Variants in SLC24A1 observed in about 807,000 individuals in gnomAD.
SLC24A1 encodes solute carrier family 24 member 1.
Under a neutral mutation model 88.1 loss-of-function variants are expected in SLC24A1, and 52 were observed. That is an observed-to-expected ratio of 0.59 (90% CI 0.47 to 0.74). The LOEUF (loss-of-function observed/expected upper bound fraction) is 0.74, where lower values mean the gene tolerates loss of function less well. Ranked by LOEUF, SLC24A1 falls within the 30% of genes least tolerant of loss-of-function variation. SLC24A1 has a pLI of 0.00. For synonymous variants in SLC24A1, 455 were observed against 498.0 expected (o/e 0.91, Z 1.15); for missense variants, 1,173 against 1,363.3 (o/e 0.86, Z 2.20).
intron 4 of SLC24A1, among the ~76,000 whole-genome samples, chr15:65,641,701 G>T (rs1018945679): frequency 2.0e-5 from 3 of 152,198 alleles, no homozygotes; most frequent in African/African-American, 7.2e-5. Flanking sequence ...GCTCTGGCCA[G>T]GGCCCCATGA....
intron 2 of SLC24A1, among the ~76,000 whole-genome samples, chr15:65,613,949 T>G (rs769761996): frequency 8.5e-5 from 13 of 152,180 alleles, no homozygotes; most frequent in Non-Finnish European, 1.9e-4. Context: ...TTTCTGCCCC[T>G]GTAGTCTGGA....
In SLC24A1 at chr15:65,650,412, G is replaced by A; in HGVS notation, c.2263G>A (p.Glu755Lys). ...TGTGGCTGAGGCCGAGAGCACAGGTGAAATGCCAGGCGAAGAGGGCGAAAC... is the reference window on the plus strand; with the variant it reads ...TGTGGCTGAGGCCGAGAGCACAGGTAAAATGCCAGGCGAAGAGGGCGAAAC... ...EDVAEAESTG[E>K]MPGEEGETAG... The change falls in exon 7 of 10, where the codon GAA (glutamate) becomes AAA (lysine). Residue 755 changes from glutamate (E) to lysine (K), a missense_variant. Transcript: ENST00000261892. This position sits in a 1 kb window ranked among gnomAD's most constrained non-coding sequence, Gnocchi z 4.1. 2.6e-6 allele frequency: 4 copies of A among 1,551,668 alleles called. No individual in the cohort carries two copies. The highest frequency in any genetic ancestry group is 3.5e-6 in the Non-Finnish European group (4 of 1,146,968).
At chr15:65,656,660 G>A (rs1464570798), downstream of SLC24A1, among the ~76,000 whole-genome samples, 1 of 152,162 alleles carries the variant, frequency 6.6e-6, no homozygotes, top group African/African-American at 2.4e-5. Context: ...TGGAAAGTCT[G>A]AACTGTCCCA....
intron 6 of SLC24A1, among the ~76,000 whole-genome samples, chr15:65,647,285 C>A (rs945840970): frequency 3.8e-4 from 57 of 151,872 alleles, no homozygotes; most frequent in Non-Finnish European, 7.5e-4. Context: ...TGAGACCAGC[C>A]TGGCCAACAT....
In SLC24A1 at chr15:65,644,132, G is replaced by A. The variant is rs8040471; in HGVS notation, c.2054-295G>A. ...GAAATAAATCCTATTTCTTGGTCCTGAGTCCAACCATGTCATTTTACCAGA... is the reference window on the plus strand; with the variant it reads ...GAAATAAATCCTATTTCTTGGTCCTAAGTCCAACCATGTCATTTTACCAGA... On this transcript the variant is annotated intron_variant, in intron 4 of 9. Coordinates refer to ENST00000261892, the MANE Select transcript of SLC24A1 (RefSeq NM_004727.3). The A allele has an allele frequency of 3.4e-3, 1,293 of 378,990 alleles. 14 individuals are homozygous for A. The highest frequency in any genetic ancestry group is 0.024 in the African/African-American group (1,192 of 48,968). The allele number at this position is 378,990 out of a possible 1,614,324, so 23.5% of individuals were successfully genotyped here. A position where few individuals can be genotyped will look rare whatever the true frequency, so the allele number is the denominator to read the frequency against.
Position 65,625,828 on chromosome 15 carries a change from G to A in SLC24A1, c.1748G>A (p.Trp583Ter). The A allele has an allele frequency of 6.2e-7, 1 of 1,614,016 alleles. No individual in the cohort carries two copies. ...TTCTTCCTGGACAGCCTCATTGCCTGGTGGGAGAGCCTGCTGCTGCTGCTG... is the reference window on the plus strand; with the variant it reads ...TTCTTCCTGGACAGCCTCATTGCCTAGTGGGAGAGCCTGCTGCTGCTGCTG... ...ILFFLDSLIAWWESLLLLLAY... is the reference protein window; with the variant it reads ...ILFFLDSLIA Residue 583 changes from tryptophan to a stop codon, truncating the protein, a stop_gained, in exon 2 of 10, where the codon TGG (tryptophan) becomes TAG (stop). Transcript: ENST00000261892. LOFTEE classifies it high-confidence loss of function.
rs891801712 is a variant in SLC24A1 at position 65,624,153 on chromosome 15, C to T, written c.73C>T (p.Leu25Phe). 1.1e-5 allele frequency: 17 copies of T among 1,613,790 alleles called. No homozygotes were observed. The highest frequency in any genetic ancestry group is 1.4e-5 in the Non-Finnish European group (16 of 1,179,822). ...LRTKRLHWSRLLFLLGMLIIG... is the reference protein window; with the variant it reads ...LRTKRLHWSRFLFLLGMLIIG... The stretch of plus-strand genomic sequence containing the variant: ...GACAAAGCGGCTTCATTGGAGTCGC[C>T]TCCTCTTCTTACTGGGAATGTTGAT... Residue 25 changes from leucine to phenylalanine, a missense_variant, in exon 2 of 10, where the codon CTC (leucine) becomes TTC (phenylalanine). Leu to Phe is a conservative substitution (Grantham distance 22). Coordinates refer to ENST00000261892, the MANE Select transcript of SLC24A1 (RefSeq NM_004727.3).
At chr15:65,638,612 G>A (rs1395389220) in intron 3 of SLC24A1, among the ~76,000 whole-genome samples, 1 of 152,222 alleles carries the variant, frequency 6.6e-6, no homozygotes, top group African/African-American at 2.4e-5. Flanking sequence ...GAGAGGACAG[G>A]AGTCTGAGGT....
rs1029888565 is a variant in SLC24A1 at position 65,644,630 on chromosome 15, C to T, written c.2140+117C>T. The T allele has an allele frequency of 1.1e-4, 74 of 678,072 alleles. 2 individuals carry two copies. The African/African-American group carries it at 1.2e-3, about 11-fold the overall frequency. The allele number at this position is 678,072 out of a possible 1,614,324, so 42.0% of individuals were successfully genotyped here. Reference sequence around the variant, plus strand: ...CCAGGGGCTGAGGCACATCTTTGGCCTCTGTGAGCCAGTCAGTTAGAGTGA... The same window carrying T: ...CCAGGGGCTGAGGCACATCTTTGGCTTCTGTGAGCCAGTCAGTTAGAGTGA... On this transcript the variant is annotated intron_variant, in intron 5 of 9. Transcript: ENST00000261892.
At chr15:65,618,403 A>G (rs1051375171), upstream of SLC24A1, among the ~76,000 whole-genome samples, 8 of 152,176 alleles carry the variant, frequency 5.3e-5, no homozygotes, top group African/African-American at 1.4e-4. Flanking sequence ...ATAATTGACT[A>G]TTGTAAAGAT....
intron 2 of SLC24A1, among the ~76,000 whole-genome samples, chr15:65,616,095 A>G (rs956587360): frequency 6.6e-6 from 1 of 152,024 alleles, no homozygotes; most frequent in African/African-American, 2.4e-5. Flanking sequence ...TCCATGGTGT[A>G]TATGTGCCAC....
chr15:65,643,315 T>C (rs2075193748), intron 4 of SLC24A1, among the ~76,000 whole-genome samples: 1 of 152,206 alleles, frequency 6.6e-6, no homozygotes, highest in Non-Finnish European at 1.5e-5. Context: ...GGCCAGCATT[T>C]GCAGCAGTAA....
At chr15:65,626,036 C>A in intron 2 of SLC24A1, 66 bp downstream of exon 2, 1 of 1,192,194 alleles carries the variant, frequency 8.4e-7, no homozygotes, top group Non-Finnish European at 1.3e-6. Context: ...GAAGCCAGGA[C>A]CTGAAGAGAA....
At chr15:65,645,761 A>C (rs1219750805) in intron 6 of SLC24A1, 58 bp downstream of exon 6, 2 of 1,132,690 alleles carry the variant, frequency 1.8e-6, no homozygotes, top group Non-Finnish European at 2.6e-6. Flanking sequence ...GGAACTCTTG[A>C]CCAAAAATAC....
Position 65,654,171 on chromosome 15 carries a change from T to A in SLC24A1, c.*92T>A. On this transcript the variant is annotated 3_prime_UTR_variant, in exon 10 of 10. Coordinates refer to ENST00000261892, the MANE Select transcript of SLC24A1 (RefSeq NM_004727.3). ...GACCCTAATGAAAGAATGTATATGA[T>A]CCTGGAAAGTGAACTGGGTGACCTA... 1 of 1,521,256 alleles carries A rather than the reference T, an allele frequency of 6.6e-7. No individual in the cohort carries two copies. Among genetic ancestry groups the A allele is most frequent in the Non-Finnish European group, 8.8e-7 (1 of 1,138,250 alleles). 94.2% of individuals were successfully genotyped at this position (1,521,256 alleles called of 1,614,324 possible). A position where few individuals can be genotyped will look rare whatever the true frequency, so the allele number is the denominator to read the frequency against.
At position 65,625,403 on chromosome 15, in the gene SLC24A1, C is replaced by T; in HGVS notation, c.1323C>T (p.Pro441=). The T allele has an allele frequency of 1.2e-6, 2 of 1,614,072 alleles. No homozygotes were observed. The highest frequency in any genetic ancestry group is 1.7e-6 in the Non-Finnish European group (2 of 1,179,900). ...ACCTCCACCCCAAGGGAGAGTACCC[C>T]CCAGATCTGTTCAGTGTGGAGGAGC... ...LPDLHPKGEY[P]PDLFSVEERR... The change falls in exon 2 of 10, where the codon CCC becomes CCT. Residue 441 remains proline (P), a synonymous_variant. Coordinates refer to ENST00000261892, the MANE Select transcript of SLC24A1 (RefSeq NM_004727.3).
rs1366563303 is a variant in SLC24A1, at chr15:65,624,337, T to TG, written c.263dup (p.Lys89Ter). On this transcript the variant is annotated frameshift_variant, in exon 2 of 10. Transcript: ENST00000261892. LOFTEE classifies it high-confidence loss of function. Reference sequence around the variant, plus strand: ...AGCCCTTCAAAACCTAGCTCCGAAATGGGGGGTAAGATGCTGGTACCCCAA... The same window carrying TG: ...AGCCCTTCAAAACCTAGCTCCGAAATGGGGGGGTAAGATGCTGGTACCCCAA... 6.2e-7 allele frequency: 1 copy of TG among 1,613,680 alleles called. No homozygotes were observed. Among genetic ancestry groups the TG allele is most frequent in the Non-Finnish European group, 8.5e-7 (1 of 1,179,780 alleles).
In SLC24A1 at chr15:65,655,294, C is replaced by T; in HGVS notation, c.*1215C>T. On this transcript the variant is annotated 3_prime_UTR_variant, in exon 10 of 10. Coordinates refer to ENST00000261892, the MANE Select transcript of SLC24A1 (RefSeq NM_004727.3). ...GTGGGACAATGCTATTTTTGTATGC[C>T]AACCTAGATAGGATTATAAAGCAAG... 2.0e-6 allele frequency: 2 copies of T among 985,480 alleles called. No individual in the cohort carries two copies. Among genetic ancestry groups the T allele is most frequent in the Non-Finnish European group, 2.4e-6 (2 of 829,980 alleles). 61.0% of individuals were successfully genotyped at this position (985,480 alleles called of 1,614,324 possible). A position where few individuals can be genotyped will look rare whatever the true frequency, so the allele number is the denominator to read the frequency against.
Position 65,644,446 on chromosome 15 carries a change from G to A in SLC24A1, c.2073G>A (p.Lys691=), listed in dbSNP as rs1247564089. 1.3e-6 allele frequency: 2 copies of A among 1,594,426 alleles called. No homozygotes were observed. Among genetic ancestry groups the A allele is most frequent in the Admixed American group, 3.5e-5 (2 of 57,038 alleles). ...PLREVRLAKE[K]EEESLNQGAR... ...TTGCAGTTCGCCTTGCCAAGGAGAA[G>A]GAGGAGGAGAGCTTGAATCAAGGGG... Residue 691 remains lysine (K), a synonymous_variant, in exon 5 of 10, where the codon AAG becomes AAA. Transcript: ENST00000261892.
Sources: allele counts gnomAD v4.1 joint callset (sites outside exome capture counted in the v4.1 genomes callset), GRCh38; gene constraint gnomAD v4.1.1; non-coding constraint Gnocchi (gnomAD v3.1); transcripts MANE v1.5; gene names NCBI Gene and HGNC (gene_info 2026-07-23, HGNC 2026-07-21).